The following ALDH4A1 variants were observed in gnomAD, a reference collection of about 807,000 sequenced individuals.
ALDH4A1 encodes delta-1-pyrroline-5-carboxylate dehydrogenase, mitochondrial.
ALDH4A1 carries 46 observed loss-of-function variants against 70.5 expected under a neutral mutation model. That is an observed-to-expected ratio of 0.65 (90% CI 0.51 to 0.83). The LOEUF (loss-of-function observed/expected upper bound fraction) is 0.83, where lower values mean the gene tolerates loss of function less well. Among genes scored for constraint, ALDH4A1 ranks in the 40% least tolerant of loss-of-function variants. ALDH4A1 has a pLI of 0.00. For synonymous variants in ALDH4A1, 323 were observed against 324.3 expected (o/e 1.00, Z 0.04); for missense variants, 749 against 766.5 (o/e 0.98, Z 0.27).
In ALDH4A1 at chr1:18,878,276, C is replaced by T. The variant is rs557750126; in HGVS notation, c.941-664G>A. The stretch of plus-strand genomic sequence containing the variant: ...CCCATTACTATCCCCAATTTCAAGC[C>T]AAGAAAACTGAGGCACAGAGAGATG... On this transcript the variant is annotated intron_variant, in intron 9 of 14. Coordinates refer to ENST00000375341, the MANE Select transcript of ALDH4A1 (RefSeq NM_003748.4). 2.3e-3 allele frequency among the ~76,000 whole-genome samples: 347 copies of T among 152,300 alleles called. 1 individual carries two copies. Among genetic ancestry groups the T allele is most frequent in the African/African-American group, 6.7e-3 (280 of 41,554 alleles).
intron 1 of ALDH4A1, among the ~76,000 whole-genome samples, chr1:18,893,539 G>A (rs2100603169): frequency 6.6e-6 from 1 of 151,748 alleles, no homozygotes; most frequent in African/African-American, 2.4e-5. Context: ...GTCTTACTCT[G>A]TCACCCAGGC....
chr1:18,877,633 G>GCCACCCC, intron 9 of ALDH4A1, 21 bp from the exon 10 acceptor site: 2 of 683,784 alleles, frequency 2.9e-6, no homozygotes, highest in Non-Finnish European at 2.6e-6. Context: ...CGGGGGTGGG[G>GCCACCCC]AAATGACCAG....
At chr1:18,876,229 G>A in intron 12 of ALDH4A1, 86 bp downstream of exon 12, 1 of 1,540,954 alleles carries the variant, frequency 6.5e-7, no homozygotes, top group East Asian at 2.3e-5. Context: ...CTGTGAAATG[G>A]GAGAATGTCT....
At chr1:18,892,562 G>GC (rs1005547899) in intron 1 of ALDH4A1, among the ~76,000 whole-genome samples, 1 of 151,722 alleles carries the variant, frequency 6.6e-6, no homozygotes, top group African/African-American at 2.4e-5. Context: ...AGGAGGCGGG[G>GC]GGGGGCTGAG....
At position 18,872,187 on chromosome 1, in the gene ALDH4A1, GC is replaced by G. The variant is rs11311839; in HGVS notation, c.*657del. ...ACGCCTTGGCAGGTGGCCTCCAGCG[GC>G]CCCCCAACCCCGCCATGTGGTGCAG... On this transcript the variant is annotated 3_prime_UTR_variant, in exon 15 of 15. Transcript: ENST00000375341. 0.41 allele frequency: 62,105 copies of G among 152,452 alleles called. 13,634 individuals are homozygous for G. Among genetic ancestry groups the G allele is most frequent in the East Asian group, 0.69 (3,542 of 5,168 alleles). The allele number at this position is 152,452 out of a possible 1,614,324, so 9.4% of individuals were successfully genotyped here.
At chr1:18,897,133 T>C (rs771035676) in intron 1 of ALDH4A1, 2 of 520,502 alleles carry the variant, frequency 3.8e-6, no homozygotes, top group Admixed American at 2.0e-5. Context: ...ACTTTTTGAG[T>C]GTCAACGTGA....
chr1:18,894,263 G>A (rs903559985), intron 1 of ALDH4A1, among the ~76,000 whole-genome samples: 11 of 152,212 alleles, frequency 7.2e-5, no homozygotes, highest in South Asian at 2.1e-4. Flanking sequence ...GGAGTAGGCC[G>A]GTTGCAGTGG....
At chr1:18,875,644 G>A (rs1569720252) in intron 12 of ALDH4A1, 141 bp from the exon 13 acceptor site, 2 of 1,350,312 alleles carry the variant, frequency 1.5e-6, no homozygotes, top group Admixed American at 3.9e-5. Context: ...AGAAGGGTCA[G>A]GTGTCGCCTC....
At chr1:18,899,269 T>C (rs908090005) in intron 1 of ALDH4A1, among the ~76,000 whole-genome samples, 7 of 152,334 alleles carry the variant, frequency 4.6e-5, no homozygotes, top group African/African-American at 1.4e-4. Flanking sequence ...TTGTGTGCTT[T>C]TGATATTTTG....
rs1445118957 is a variant in ALDH4A1 at position 18,875,306 on chromosome 1, AC to A, written c.1460+75del. On this transcript the variant is annotated intron_variant, in intron 13 of 14. Coordinates refer to ENST00000375341, the MANE Select transcript of ALDH4A1 (RefSeq NM_003748.4). ...AGGGGCAGCATTATTACTGGGAACC[AC>A]GTCCAGGAGGTGGGGATGGGGACAC... is the stretch of plus-strand genomic sequence containing the variant. 132 of 1,609,514 alleles carry A rather than the reference AC, an allele frequency of 8.2e-5. 1 individual carries two copies. In the Middle Eastern group the frequency reaches 2.0e-3, roughly 24 times the overall value.
At chr1:18,888,858 G>C (rs1935324890) in intron 3 of ALDH4A1, among the ~76,000 whole-genome samples, 1 of 152,230 alleles carries the variant, frequency 6.6e-6, no homozygotes, top group Admixed American at 6.5e-5. Flanking sequence ...GCACACGTCT[G>C]CCCAGGGTTT....
chr1:18,897,788 G>A (rs1265191354), intron 1 of ALDH4A1, among the ~76,000 whole-genome samples: 1 of 152,122 alleles, frequency 6.6e-6, no homozygotes, highest in Non-Finnish European at 1.5e-5. Context: ...GATGGGACAC[G>A]TTCATCCTCC....
At chr1:18,901,759 C>T (rs900078888) in intron 1 of ALDH4A1, among the ~76,000 whole-genome samples, 5 of 152,018 alleles carry the variant, frequency 3.3e-5, no homozygotes, top group Admixed American at 6.5e-5. Flanking sequence ...CCGGGCGCTG[C>T]CTTTGTGCTG....
chr1:18,897,318 G>A (rs899596989), intron 1 of ALDH4A1, among the ~76,000 whole-genome samples: 2 of 152,132 alleles, frequency 1.3e-5, no homozygotes. Flanking sequence ...GGAAGAGGGC[G>A]GATCACTTGA....
At chr1:18,890,182 C>CTGTCGGAGGTAGA in intron 1 of ALDH4A1, 77 bp from the exon 2 acceptor site, 1 of 1,260,276 alleles carries the variant, frequency 7.9e-7, no homozygotes, top group Non-Finnish European at 1.1e-6. Flanking sequence ...CCTCTACCTC[C>CTGTCGGAGGTAGA]GACAGGGGGT....
At chr1:18,900,987 T>C in intron 1 of ALDH4A1, 1 of 892,758 alleles carries the variant, frequency 1.1e-6, no homozygotes, top group South Asian at 5.1e-5. Flanking sequence ...GGTTTTCCTA[T>C]GCATTTCTCC....
At chr1:18,881,209 C>G (rs535985225) in intron 8 of ALDH4A1, among the ~76,000 whole-genome samples, 43 of 152,132 alleles carry the variant, frequency 2.8e-4, no homozygotes, top group African/African-American at 1.0e-3. Context: ...TCCTGCCATG[C>G]CCCAGAGCAC....
rs190551154 is a variant in ALDH4A1, at chr1:18,874,630, A to G, written c.1461-49T>C. ...AGAGCAACCAGCTCATCTCCCCTCC[A>G]GCCCCAGCTCCAGCCTCAACACCCC... On this transcript the variant is annotated intron_variant, in intron 13 of 14. Transcript: ENST00000375341. 13 of 1,582,834 alleles carry G rather than the reference A, an allele frequency of 8.2e-6. No homozygotes were observed. The African/African-American group carries it at 1.2e-4, about 15-fold the overall frequency.
intron 1 of ALDH4A1, among the ~76,000 whole-genome samples, chr1:18,894,748 A>C (rs1188258558): frequency 6.6e-6 from 1 of 152,116 alleles, no homozygotes; most frequent in African/African-American, 2.4e-5. Flanking sequence ...TCCGTCCATC[A>C]GTCTGAGTGT....
Sources: gnomAD v4.1 joint callset for allele counts (sites outside exome capture counted in the v4.1 genomes callset) on GRCh38, gnomAD v4.1.1 for gene constraint, MANE v1.5 for transcripts, NCBI Gene and HGNC (gene_info 2026-07-23, HGNC 2026-07-21) for gene names.